THBS2: variants seen among roughly 807,000 people sequenced by gnomAD.
THBS2 encodes thrombospondin 2.
Under a neutral mutation model 135.2 loss-of-function variants are expected in THBS2, and 47 were observed. The observed-to-expected ratio is 0.35, with a 90% CI of 0.28 to 0.44. The LOEUF (loss-of-function observed/expected upper bound fraction) is 0.44, where lower values mean the gene tolerates loss of function less well. Ranked by LOEUF, THBS2 falls within the 20% of genes least tolerant of loss-of-function variation. The probability of loss-of-function intolerance (pLI) is 1.00; values close to 1 mark genes in which losing one functional copy is unlikely to be tolerated. For missense variants in THBS2, 1,288 were observed against 1,603.1 expected (o/e 0.80, Z 3.36); for synonymous variants, 639 against 633.8 (o/e 1.01, Z -0.12).
Position 169,226,348 on chromosome 6 carries a change from G to T in THBS2, c.2420-50C>A, listed in dbSNP as rs1779629734. 15 of 1,456,404 alleles carry T rather than the reference G, an allele frequency of 1.0e-5. No homozygotes were observed. In the East Asian group the frequency reaches 3.0e-4, roughly 29 times the overall value. The allele number at this position is 1,456,404 out of a possible 1,614,324, so 90.2% of individuals were successfully genotyped here. A position where few individuals can be genotyped will look rare whatever the true frequency, so the allele number is the denominator to read the frequency against. ...AAACAAAAACAAACCAGAAGGACAG[G>T]TGAGTTTAGAAAAAGCACATTGTTT... is the stretch of plus-strand genomic sequence containing the variant. On this transcript the variant is annotated intron_variant, in intron 15 of 21. Transcript: ENST00000617924.
intron 15 of THBS2, 23 bp from the exon 16 acceptor site, chr6:169,226,321 G>A: frequency 3.8e-6 from 6 of 1,586,884 alleles, no homozygotes; most frequent in Non-Finnish European, 4.3e-6. Context: ...AAAGGGGGAA[G>A]AAAACAAAAA....
At chr6:169,237,526 C>A in intron 8 of THBS2, 99 bp downstream of exon 8, 1 of 1,560,782 alleles carries the variant, frequency 6.4e-7, no homozygotes, top group Non-Finnish European at 8.7e-7. Flanking sequence ...GGCCCAGCAC[C>A]TCGTGAGGGC....
Position 169,232,125 on chromosome 6 carries a change from C to A in THBS2, c.2006G>T (p.Gly669Val), listed in dbSNP as rs1430494129. ...CHKHAECIYL[G>V]HFSDPMYKCE... ...CTTGTACATGGGGTCGCTGAAGTGG[C>A]CCAGGTAGATGCACTCCGCGTGCTT... Residue 669 changes from glycine (G) to valine (V), a missense_variant, in exon 13 of 22, where the codon GGC becomes GTC. Transcript: ENST00000617924. The A allele has an allele frequency of 1.2e-6, 2 of 1,613,874 alleles. No individual in the cohort carries two copies. Among genetic ancestry groups the A allele is most frequent in the African/African-American group, 2.7e-5 (2 of 74,926 alleles).
At position 169,232,729 on chromosome 6, in the gene THBS2, G is replaced by C; in HGVS notation, c.1867C>G (p.Pro623Ala). Residue 623 changes from proline (P) to alanine (A), a missense_variant, in exon 12 of 22, where the codon CCG becomes GCG. Physicochemically the swap from Pro to Ala is conservative, Grantham distance 27 (BLOSUM62 -1). Coordinates refer to ENST00000617924, the MANE Select transcript of THBS2 (RefSeq NM_003247.5). Reference protein sequence around the residue: ...TQPGFHCLPCPPRYRGNQPVG... With the variant: ...TQPGFHCLPCAPRYRGNQPVG... ...GGCTGGTTCCCTCTGTATCGGGGCG[G>C]GCAGGGCAGGCAGTGGAAGCCAGGC... The C allele has an allele frequency of 6.2e-7, 1 of 1,614,008 alleles. No homozygotes were observed. Among genetic ancestry groups the C allele is most frequent in the Non-Finnish European group, 8.5e-7 (1 of 1,179,950 alleles).
At position 169,248,945 on chromosome 6, in the gene THBS2, G is replaced by A. The variant is rs766797702; in HGVS notation, c.81C>T (p.Phe27=). The A allele has an allele frequency of 2.5e-6, 4 of 1,610,784 alleles. No homozygotes were observed. The highest frequency in any genetic ancestry group is 2.2e-5 in the South Asian group (2 of 90,760). ...QAGHQDKDTT[F]DLFSISNINR... ...TGATGTTGCTGATACTGAAAAGGTCGAAGGTCGTGTCTTTGTCCTGGTGAC... is the reference window on the plus strand; with the variant it reads ...TGATGTTGCTGATACTGAAAAGGTCAAAGGTCGTGTCTTTGTCCTGGTGAC... The change falls in exon 3 of 22, where the codon TTC becomes TTT. Residue 27 remains phenylalanine (F), a synonymous_variant. Coordinates refer to ENST00000617924, the MANE Select transcript of THBS2 (RefSeq NM_003247.5).
chr6:169,219,079 A>G (rs553338583), intron 21 of THBS2, among the ~76,000 whole-genome samples: 86 of 144,380 alleles, frequency 6.0e-4, no homozygotes, highest in African/African-American at 2.1e-3. Flanking sequence ...GATGAGATGG[A>G]TGTATTGATA....
chr6:169,250,627 A>T, intron 2 of THBS2, 106 bp downstream of exon 2: 1 of 967,104 alleles, frequency 1.0e-6, no homozygotes, highest in Non-Finnish European at 1.5e-6. Context: ...GAAGGTCCTC[A>T]CGGGTAAGAT....
chr6:169,231,957 G>GC, intron 13 of THBS2, 23 bp downstream of exon 13: 1 of 1,611,338 alleles, frequency 6.2e-7, no homozygotes, highest in Non-Finnish European at 8.5e-7. Flanking sequence ...GGCCCCGTGT[G>GC]CCCTGCGAGC....
chr6:169,238,366 C>A (rs1300729322), intron 7 of THBS2, among the ~76,000 whole-genome samples: 1 of 152,084 alleles, frequency 6.6e-6, no homozygotes, highest in Non-Finnish European at 1.5e-5. Flanking sequence ...AACCTGACGC[C>A]AGAAATCATT....
intron 1 of THBS2, 23 bp from the exon 2 acceptor site, chr6:169,250,829 T>C (rs1780726419): frequency 3.2e-6 from 5 of 1,586,170 alleles, no homozygotes; most frequent in Non-Finnish European, 4.3e-6. Context: ...GAAACCCTTG[T>C]TAGTGATGAG....
intron 5 of THBS2, among the ~76,000 whole-genome samples, chr6:169,240,892 G>C (rs1450325825): frequency 6.6e-6 from 1 of 152,002 alleles, no homozygotes; most frequent in Non-Finnish European, 1.5e-5. Context: ...GGGCTCCTTC[G>C]ACTGGGGACG....
rs200734981 is a variant in THBS2, at chr6:169,216,429, CAAA to C, written c.*1390_*1392del. On this transcript the variant is annotated 3_prime_UTR_variant, in exon 22 of 22. Coordinates refer to ENST00000617924, the MANE Select transcript of THBS2 (RefSeq NM_003247.5). Reference sequence around the variant, plus strand: ...TAAAGCAAAAAAACAAACCAACCAACAAAAAAAACAAAAACAAAAACAAACTTG... The same window carrying C: ...TAAAGCAAAAAAACAAACCAACCAACAAAAACAAAAACAAAAACAAACTTG... 4.0e-5 allele frequency: 6 copies of C among 151,454 alleles called. No individual in the cohort carries two copies. The highest frequency in any genetic ancestry group is 1.5e-4 in the African/African-American group (6 of 41,152). The allele number at this position is 151,454 out of a possible 1,614,324, so 9.4% of individuals were successfully genotyped here.
Position 169,226,235 on chromosome 6 carries a change from C to A in THBS2, c.2483G>T (p.Gly828Val). Residue 828 changes from glycine to valine, a missense_variant, in exon 16 of 22, where the codon GGT (glycine) becomes GTT (valine). Coordinates refer to ENST00000617924, the MANE Select transcript of THBS2 (RefSeq NM_003247.5). ...VYNTDQRDTD[G>V]DGVGDHCDNC... ...GTCACAGTGATCCCCCACACCGTCACCATCCGTGTCCCTCTGGTCAGTGTT... is the reference window on the plus strand; with the variant it reads ...GTCACAGTGATCCCCCACACCGTCAACATCCGTGTCCCTCTGGTCAGTGTT... The A allele has an allele frequency of 1.2e-6, 2 of 1,614,160 alleles. No homozygotes were observed. Among genetic ancestry groups the A allele is most frequent in the South Asian group, 1.1e-5 (1 of 91,076 alleles).
intron 10 of THBS2, 197 bp downstream of exon 10, chr6:169,234,537 C>T (rs764411593): frequency 7.9e-5 from 47 of 594,432 alleles, no homozygotes; most frequent in Non-Finnish European, 1.2e-4. Context: ...CAGGCCACGC[C>T]ACCTGGCATC....
At chr6:169,233,368 C>T (rs1020170211) in intron 10 of THBS2, among the ~76,000 whole-genome samples, 13 of 151,536 alleles carry the variant, frequency 8.6e-5, no homozygotes, top group African/African-American at 2.2e-4. Flanking sequence ...CCTACCTACG[C>T]GCCACGTTCC....
Position 169,248,745 on chromosome 6 carries a change from C to T in THBS2, c.281G>A (p.Gly94Asp). 6.2e-7 allele frequency: 1 copy of T among 1,613,432 alleles called. No homozygotes were observed. Among genetic ancestry groups the T allele is most frequent in the African/African-American group, 1.3e-5 (1 of 74,976 alleles). Reference protein sequence around the residue: ...FFLTAQLKQDGKSRGTLLALE... With the variant: ...FFLTAQLKQDDKSRGTLLALE... ...AGCCAACAGCGTGCCCCTGGACTTGCCGTCCTGCTTGAGCTGGGCCGTGAG... is the reference window on the plus strand; with the variant it reads ...AGCCAACAGCGTGCCCCTGGACTTGTCGTCCTGCTTGAGCTGGGCCGTGAG... The change falls in exon 3 of 22, where the codon GGC becomes GAC. Residue 94 changes from glycine (G) to aspartate (D), a missense_variant. By Grantham distance (94) the Gly-to-Asp change is moderately conservative (BLOSUM62 -1). Around this residue, in one of 2 missense-constraint regions of THBS2, gnomAD observed 414 missense variants for 447.0 expected, o/e 0.93. Transcript: ENST00000617924.
rs1232565089 is a variant in THBS2, at chr6:169,241,248, C to T, written c.891+514G>A. ...CCCTTTCTCTAAACTGCGAGCTGCC[C>T]GTCCTGAGCCCCGCAGGCATCGCTC... On this transcript the variant is annotated intron_variant, in intron 5 of 21. Coordinates refer to ENST00000617924, the MANE Select transcript of THBS2 (RefSeq NM_003247.5). This position sits in a 1 kb window ranked among gnomAD's most constrained non-coding sequence, Gnocchi z 5.5. 1.9e-4 allele frequency among the ~76,000 whole-genome samples: 29 copies of T among 152,150 alleles called. No individual in the cohort carries two copies. Among genetic ancestry groups the T allele is most frequent in the Admixed American group, 1.9e-3 (29 of 15,278 alleles).
Position 169,248,873 on chromosome 6 carries a change from G to A in THBS2, c.153C>T (p.Gly51=). The change falls in exon 3 of 22, where the codon GGC becomes GGT. Residue 51 remains glycine (G), a synonymous_variant. Transcript: ENST00000617924. ...GAKQFRGPDP[G]VPAYRFVRFD... Reference sequence around the variant, plus strand: ...AGCGCACGAAGCGGTAAGCCGGCACGCCGGGGTCGGGCCCGCGGAACTGCT... The same window carrying A: ...AGCGCACGAAGCGGTAAGCCGGCACACCGGGGTCGGGCCCGCGGAACTGCT... The A allele has an allele frequency of 5.6e-6, 9 of 1,612,658 alleles. No individual in the cohort carries two copies. Among genetic ancestry groups the A allele is most frequent in the Non-Finnish European group, 7.6e-6 (9 of 1,180,014 alleles).
chr6:169,236,644 C>CACT (rs1780096275), intron 9 of THBS2, among the ~76,000 whole-genome samples: 1 of 141,580 alleles, frequency 7.1e-6, no homozygotes, highest in Non-Finnish European at 1.6e-5. Flanking sequence ...CATCCACACT[C>CACT]GCCATCCACA....
Sources: allele counts gnomAD v4.1 joint callset (sites outside exome capture counted in the v4.1 genomes callset), GRCh38; gene constraint gnomAD v4.1.1; regional missense constraint gnomAD v4.1.1; non-coding constraint Gnocchi (gnomAD v3.1); transcripts MANE v1.5; gene names NCBI Gene and HGNC (gene_info 2026-07-23, HGNC 2026-07-21).